Variants in NRP1 observed in about 807,000 individuals in gnomAD.
NRP1 encodes the protein neuropilin 1.
Under a neutral mutation model 106.7 loss-of-function variants are expected in NRP1, and 35 were observed. The ratio of observed to expected loss-of-function variants is 0.33; its 90% confidence interval spans 0.25 to 0.43. The LOEUF (loss-of-function observed/expected upper bound fraction) is 0.43, where lower values mean the gene tolerates loss of function less well. Ranked by LOEUF, NRP1 falls within the 20% of genes least tolerant of loss-of-function variation. The pLI is 1.00. For missense variants in NRP1, 1,024 were observed against 1,170.4 expected (o/e 0.87, Z 1.83); for synonymous variants, 437 against 417.9 (o/e 1.05, Z -0.56).
At chr10:33,215,335 TCAGCATTCCA>T (rs1838669629) in intron 8 of NRP1, among the ~76,000 whole-genome samples, 2 of 152,212 alleles carry the variant, frequency 1.3e-5, no homozygotes, top group Admixed American at 1.3e-4. Flanking sequence ...AGCACAGAGC[TCAGCATTCCA>T]CTGCTCTCTA....
At chr10:33,281,242 G>T (rs539441705) in intron 2 of NRP1, among the ~76,000 whole-genome samples, 12 of 152,122 alleles carry the variant, frequency 7.9e-5, no homozygotes, top group African/African-American at 2.9e-4. Context: ...TAGAGACAGG[G>T]CTTCACCACA....
chr10:33,239,731 C>T (rs952741359), intron 6 of NRP1, among the ~76,000 whole-genome samples: 1 of 152,192 alleles, frequency 6.6e-6, no homozygotes, highest in African/African-American at 2.4e-5. Flanking sequence ...CCAAAGGCAT[C>T]AGAGATTAAA....
At chr10:33,261,224 T>C (rs1842552092) in intron 4 of NRP1, among the ~76,000 whole-genome samples, 1 of 152,228 alleles carries the variant, frequency 6.6e-6, no homozygotes, top group Non-Finnish European at 1.5e-5. Flanking sequence ...TCGATTCAAC[T>C]CAGTGATTTT....
In NRP1 at chr10:33,189,110, T is replaced by C. The variant is rs1588688190; in HGVS notation, c.2063-2622A>G. On this transcript the variant is annotated intron_variant, in intron 13 of 16. Coordinates refer to ENST00000374867, the MANE Select transcript of NRP1 (RefSeq NM_003873.7). ...GTCACTGCATCACCAACTTAAGGTA[T>C]AGTATAAAGAACCAGCAGTGTCCTG... Among the ~76,000 whole-genome samples the C allele has an allele frequency of 2.7e-5, 4 of 149,728 alleles. No homozygotes were observed. In the South Asian group the frequency reaches 8.6e-4, roughly 32 times the overall value.
At position 33,232,141 on chromosome 10, in the gene NRP1, C is replaced by T. The variant is rs527745962; in HGVS notation, c.982-5852G>A. 2.4e-4 allele frequency among the ~76,000 whole-genome samples: 36 copies of T among 152,166 alleles called. 1 individual carries two copies. Among genetic ancestry groups the T allele is most frequent in the South Asian group, 6.2e-4 (3 of 4,806 alleles). ...ACATGCTAATAGGCAAGACTGGTGACCCAAGACAAGCAGCTGAAAAGACAA... is the reference window on the plus strand; with the variant it reads ...ACATGCTAATAGGCAAGACTGGTGATCCAAGACAAGCAGCTGAAAAGACAA... On this transcript the variant is annotated intron_variant, in intron 6 of 16. Transcript: ENST00000374867.
At chr10:33,189,996 C>T (rs1046692558) in intron 13 of NRP1, among the ~76,000 whole-genome samples, 2 of 152,174 alleles carry the variant, frequency 1.3e-5, no homozygotes, top group Non-Finnish European at 2.9e-5. Flanking sequence ...GCACAACTGC[C>T]AAGTAAATCT....
chr10:33,261,057 T>C (rs1001400244), intron 4 of NRP1, among the ~76,000 whole-genome samples: 1 of 150,892 alleles, frequency 6.6e-6, no homozygotes, highest in African/African-American at 2.4e-5. Context: ...AAAGCTGTTA[T>C]GCAGGTGCAG....
At chr10:33,218,448 C>T (rs1193768089) in intron 8 of NRP1, among the ~76,000 whole-genome samples, 1 of 151,672 alleles carries the variant, frequency 6.6e-6, no homozygotes, top group Admixed American at 6.6e-5. Context: ...TGGGTTCACG[C>T]CATTCTCCTG....
chr10:33,313,971 T>G (rs145098496), intron 2 of NRP1, among the ~76,000 whole-genome samples: 3,149 of 150,968 alleles, frequency 0.021, 69 homozygotes, highest in Non-Finnish European at 0.029. Flanking sequence ...CCTCTCTCCC[T>G]CCTTTCTCTC....
intron 6 of NRP1, among the ~76,000 whole-genome samples, chr10:33,244,247 T>C (rs533479057): frequency 5.3e-5 from 8 of 152,254 alleles, no homozygotes; most frequent in Non-Finnish European, 8.8e-5. Flanking sequence ...GCTTTCAAAT[T>C]ACGATATGAA....
At chr10:33,226,726 G>A (rs1839704164) in intron 6 of NRP1, among the ~76,000 whole-genome samples, 1 of 152,122 alleles carries the variant, frequency 6.6e-6, no homozygotes, top group African/African-American at 2.4e-5. Flanking sequence ...TTACCTGTAC[G>A]TTATCTTAAC....
At chr10:33,205,517 G>A (rs1458696449) in intron 10 of NRP1, 1 of 152,250 alleles carries the variant, frequency 6.6e-6, no homozygotes, top group Non-Finnish European at 1.5e-5. Context: ...TTATTACTTG[G>A]GGTTTAGGTT....
chr10:33,213,212 T>C, intron 9 of NRP1, 174 bp downstream of exon 9: 2 of 1,527,664 alleles, frequency 1.3e-6, no homozygotes, highest in Non-Finnish European at 1.8e-6. Flanking sequence ...GACATCACTT[T>C]TCATGCCATA....
intron 11 of NRP1, chr10:33,202,446 T>G: frequency 4.9e-6 from 3 of 613,384 alleles, no homozygotes; most frequent in Non-Finnish European, 7.6e-6. Context: ...GCACTTCAAA[T>G]ATAAGCCTAA....
intron 6 of NRP1, among the ~76,000 whole-genome samples, chr10:33,245,752 C>T (rs938120173): frequency 1.3e-5 from 2 of 149,008 alleles, no homozygotes; most frequent in African/African-American, 5.0e-5. Flanking sequence ...CAAAAGGATG[C>T]CTGTATCCCT....
chr10:33,268,818 T>C (rs191222032), intron 3 of NRP1, among the ~76,000 whole-genome samples: 2 of 152,302 alleles, frequency 1.3e-5, no homozygotes, highest in Admixed American at 1.3e-4. Flanking sequence ...ACATCCATCC[T>C]CTGTTTATGC....
intron 2 of NRP1, among the ~76,000 whole-genome samples, chr10:33,299,090 T>C (rs1186465803): frequency 1.3e-5 from 2 of 152,130 alleles, no homozygotes; most frequent in East Asian, 1.9e-4. Context: ...AAATGAGGCA[T>C]GATGAGGTTA....
chr10:33,296,740 C>T (rs1845414824), intron 2 of NRP1, among the ~76,000 whole-genome samples: 1 of 152,114 alleles, frequency 6.6e-6, no homozygotes, highest in South Asian at 2.1e-4. Context: ...CTTAATAATC[C>T]AATTTAGGCT....
Position 33,179,991 on chromosome 10 carries a change from T to G in NRP1, c.*85A>C. 7.1e-7 allele frequency: 1 copy of G among 1,402,992 alleles called. No homozygotes were observed. Among genetic ancestry groups the G allele is most frequent in the South Asian group, 1.3e-5 (1 of 77,172 alleles). 86.9% of individuals were successfully genotyped at this position (1,402,992 alleles called of 1,614,324 possible). A position where few individuals can be genotyped will look rare whatever the true frequency, so the allele number is the denominator to read the frequency against. The stretch of plus-strand genomic sequence containing the variant: ...GTGGTCATCAACACACTTCCCAGCC[T>G]GTATAGTGAAAGATCAACAGCTCCC... On this transcript the variant is annotated 3_prime_UTR_variant, in exon 17 of 17. Transcript: ENST00000374867.
Sources: gnomAD v4.1 joint callset for allele counts (sites outside exome capture counted in the v4.1 genomes callset) on GRCh38, gnomAD v4.1.1 for gene constraint, MANE v1.5 for transcripts, NCBI Gene and HGNC (gene_info 2026-07-23, HGNC 2026-07-21) for gene names.